The following DHX32 variants were observed in gnomAD, a reference collection of about 807,000 sequenced individuals.
DHX32 encodes the protein putative pre-mRNA-splicing factor ATP-dependent RNA helicase DHX32.
DHX32 carries 51 observed loss-of-function variants against 70.0 expected under a neutral mutation model. The observed-to-expected ratio is 0.73, with a 90% CI of 0.58 to 0.92. The LOEUF (loss-of-function observed/expected upper bound fraction) is 0.92, where lower values mean the gene tolerates loss of function less well. Ranked by LOEUF, DHX32 falls within the 40% of genes least tolerant of loss-of-function variation. The pLI is 0.00. For missense variants in DHX32, 762 were observed against 891.8 expected (o/e 0.85, Z 1.85); for synonymous variants, 310 against 315.3 (o/e 0.98, Z 0.18).
intron 1 of DHX32, among the ~76,000 whole-genome samples, chr10:125,868,752 G>C (rs544126786): frequency 6.6e-6 from 1 of 152,290 alleles, no homozygotes; most frequent in African/African-American, 2.4e-5. Flanking sequence ...AATTTTCTAA[G>C]CTTTAGTTAA....
chr10:125,861,466 C>T (rs1384568306), intron 2 of DHX32, among the ~76,000 whole-genome samples: 3 of 152,264 alleles, frequency 2.0e-5, no homozygotes, highest in Non-Finnish European at 4.4e-5. Flanking sequence ...CAGGGCACTC[C>T]AGCCTGGGCG....
chr10:125,865,363 T>C (rs1189329502), intron 2 of DHX32, among the ~76,000 whole-genome samples: 3 of 152,200 alleles, frequency 2.0e-5, no homozygotes, highest in South Asian at 2.1e-4. Flanking sequence ...CTCAGGGACA[T>C]AATTGTTATA....
chr10:125,840,334 C>T (rs1487371759), intron 8 of DHX32, among the ~76,000 whole-genome samples: 2 of 152,356 alleles, frequency 1.3e-5, no homozygotes, highest in South Asian at 4.1e-4. Flanking sequence ...CTTCTCTGGA[C>T]ACCCTCTGCT....
chr10:125,874,049 C>G (rs1216007546), intron 1 of DHX32, among the ~76,000 whole-genome samples: 1 of 152,174 alleles, frequency 6.6e-6, no homozygotes, highest in Non-Finnish European at 1.5e-5. Context: ...TTTTCTCTCT[C>G]TTTTAGGATC....
chr10:125,858,218 C>T (rs1472305288), intron 3 of DHX32, among the ~76,000 whole-genome samples: 1 of 152,136 alleles, frequency 6.6e-6, no homozygotes, highest in Non-Finnish European at 1.5e-5. Flanking sequence ...TGTTTTTCAC[C>T]TGGCAATTCT....
At chr10:125,892,780 A>C (rs1485973823) in intron 1 of DHX32, among the ~76,000 whole-genome samples, 1 of 152,298 alleles carries the variant, frequency 6.6e-6, no homozygotes, top group Non-Finnish European at 1.5e-5. Flanking sequence ...TTCATAATCT[A>C]TAATCACATT....
intron 6 of DHX32, among the ~76,000 whole-genome samples, chr10:125,843,464 T>G (rs904725110): frequency 6.6e-6 from 1 of 151,966 alleles, no homozygotes; most frequent in Non-Finnish European, 1.5e-5. Flanking sequence ...TACAAAAAAT[T>G]AGCCGGGCGT....
chr10:125,881,124 TAAAAA>T lies in DHX32; in HGVS notation c.-305_-301del, dbSNP rs779532203. ...AGGAAAATTAGGAACACATATAAGTTAAAAAGAAAATGCACAGGAGTTCAAATGAA... is the reference window on the plus strand; with the variant it reads ...AGGAAAATTAGGAACACATATAAGTTGAAAATGCACAGGAGTTCAAATGAA... On this transcript the variant is annotated 5_prime_UTR_variant, in exon 1 of 11. Coordinates refer to ENST00000284690, the MANE Select transcript of DHX32 (RefSeq NM_018180.3). The T allele has an allele frequency of 6.0e-5, 17 of 281,044 alleles. No homozygotes were observed. The highest frequency in any genetic ancestry group is 1.0e-4 in the Admixed American group (2 of 19,608). 17.4% of individuals were successfully genotyped at this position (281,044 alleles called of 1,614,324 possible).
intron 2 of DHX32, among the ~76,000 whole-genome samples, chr10:125,864,598 T>G (rs565024554): frequency 6.6e-6 from 1 of 152,254 alleles, no homozygotes; most frequent in South Asian, 2.1e-4. Context: ...TTATTAGATT[T>G]CCCCACCATT....
chr10:125,851,743 AGAAATCTACATCTACAAAG>A (rs1462220101), intron 6 of DHX32, among the ~76,000 whole-genome samples: 2 of 152,024 alleles, frequency 1.3e-5, no homozygotes, highest in African/African-American at 4.8e-5. Flanking sequence ...ACTTTGTAAA[AGAAATCTACATCTACAAAG>A]GAAATCTACA....
chr10:125,860,291 C>T (rs879922504), intron 2 of DHX32, among the ~76,000 whole-genome samples: 2 of 152,152 alleles, frequency 1.3e-5, no homozygotes, highest in Non-Finnish European at 2.9e-5. Context: ...AACTTTTGTT[C>T]TGAGCTTTAT....
intron 6 of DHX32, among the ~76,000 whole-genome samples, chr10:125,847,195 T>C (rs549608970): frequency 6.6e-6 from 1 of 152,002 alleles, no homozygotes; most frequent in East Asian, 1.9e-4. Context: ...TCCTGATTTT[T>C]CTAGGTTGTT....
At chr10:125,845,779 C>T (rs915772223) in intron 6 of DHX32, among the ~76,000 whole-genome samples, 3 of 152,236 alleles carry the variant, frequency 2.0e-5, no homozygotes, top group Non-Finnish European at 2.9e-5. Flanking sequence ...GCAGGGCTCT[C>T]GGGTAATGGC....
At chr10:125,867,541 C>G (rs934143170) in intron 1 of DHX32, among the ~76,000 whole-genome samples, 2 of 152,038 alleles carry the variant, frequency 1.3e-5, no homozygotes, top group Non-Finnish European at 2.9e-5. Flanking sequence ...TCGAGACCAT[C>G]CTGGCTAACA....
At chr10:125,847,697 C>T (rs919356309) in intron 6 of DHX32, among the ~76,000 whole-genome samples, 1 of 152,068 alleles carries the variant, frequency 6.6e-6, no homozygotes, top group South Asian at 2.1e-4. Context: ...AATAATTATA[C>T]AACTCATCAT....
Position 125,874,468 on chromosome 10 carries a change from A to G in DHX32, c.282+6075T>C, listed in dbSNP as rs115449987. ...AGAGAAACCATTGCTAGGTATTAATATAACATATAACATATAACAATTCTT... is the reference window on the plus strand; with the variant it reads ...AGAGAAACCATTGCTAGGTATTAATGTAACATATAACATATAACAATTCTT... On this transcript the variant is annotated intron_variant, in intron 1 of 10. Coordinates refer to ENST00000284690, the MANE Select transcript of DHX32 (RefSeq NM_018180.3). 6.3e-4 allele frequency among the ~76,000 whole-genome samples: 96 copies of G among 152,150 alleles called. 1 individual carries two copies. The highest frequency in any genetic ancestry group is 2.2e-3 in the African/African-American group (92 of 41,382).
intron 5 of DHX32, 38 bp from the exon 6 acceptor site, chr10:125,852,489 G>A (rs1944103710): frequency 1.9e-6 from 3 of 1,613,364 alleles, no homozygotes; most frequent in African/African-American, 1.3e-5. Context: ...AATATTTCTG[G>A]GTTGCCTGCA....
chr10:125,891,504 C>T (rs1207174382), intron 1 of DHX32, among the ~76,000 whole-genome samples: 3 of 152,282 alleles, frequency 2.0e-5, no homozygotes, highest in Admixed American at 6.5e-5. Context: ...CTTTGGAAGG[C>T]TGAGGCGGGA....
rs1232595461 is a variant in DHX32 at position 125,880,775 on chromosome 10, T to C, written c.50A>G (p.Tyr17Cys). ...GCTGGAATCCAGGGATTCAGGAAAATAGCGTTTTTCAGAGGAAGAGTTTGG... is the reference window on the plus strand; with the variant it reads ...GCTGGAATCCAGGGATTCAGGAAAACAGCGTTTTTCAGAGGAAGAGTTTGG... ...ECPNSSSEKR[Y>C]FPESLDSSDG... The change falls in exon 1 of 11, where the codon TAT becomes TGT. Residue 17 changes from tyrosine (Y) to cysteine (C), a missense_variant. Tyr to Cys is a radical substitution (Grantham distance 194). Around this residue, in one of 3 missense-constraint regions of DHX32, gnomAD observed 394 missense variants for 473.1 expected, o/e 0.83. Transcript: ENST00000284690. The C allele has an allele frequency of 6.2e-6, 10 of 1,613,970 alleles. No individual in the cohort carries two copies. The highest frequency in any genetic ancestry group is 5.5e-5 in the South Asian group (5 of 91,070).
Sources: gnomAD v4.1 joint callset for allele counts (sites outside exome capture counted in the v4.1 genomes callset) on GRCh38, gnomAD v4.1.1 for gene constraint, gnomAD v4.1.1 regional missense constraint, MANE v1.5 for transcripts, NCBI Gene and HGNC (gene_info 2026-07-23, HGNC 2026-07-21) for gene names.